Variants in TMEM132B observed in about 807,000 individuals in gnomAD.
TMEM132B encodes transmembrane protein 132B.
In TMEM132B, 18 loss-of-function variants were observed where a neutral mutation model predicts 90.8. The ratio of observed to expected loss-of-function variants is 0.20; its 90% CI spans 0.14 to 0.29. TMEM132B has a LOEUF of 0.29. Among genes scored for constraint, TMEM132B ranks in the 10% least tolerant of loss-of-function variants. The pLI, the probability that TMEM132B is intolerant of heterozygous loss-of-function variation, is 1.00. For synonymous variants in TMEM132B, 504 were observed against 523.3 expected (o/e 0.96, Z 0.50); for missense variants, 1,096 against 1,326.8 (o/e 0.83, Z 2.70).
At position 125,603,294 on chromosome 12, in the gene TMEM132B, A is replaced by T. The variant is rs1885613504; in HGVS notation, c.1437+19300A>T. ...ATGGAGTAGAATAGAGACCTCAGAA[A>T]TAACACCACATCTACAACCATCTGA... On this transcript the variant is annotated intron_variant, in intron 5 of 8. Transcript: ENST00000682704. Among the ~76,000 whole-genome samples, 2 of 152,200 alleles carry T rather than the reference A, an allele frequency of 1.3e-5. 1 individual carries two copies. The highest frequency in any genetic ancestry group is 4.1e-4 in the South Asian group (2 of 4,830).
intron 3 of TMEM132B, among the ~76,000 whole-genome samples, chr12:125,511,144 A>G (rs1254456853): frequency 1.2e-4 from 19 of 152,138 alleles, no homozygotes; most frequent in African/African-American, 4.6e-4. Flanking sequence ...TTTCCTGTCA[A>G]TGGAGTCATA....
intron 3 of TMEM132B, among the ~76,000 whole-genome samples, chr12:125,418,722 A>G (rs572801213): frequency 1.7e-4 from 26 of 152,358 alleles, no homozygotes; most frequent in Middle Eastern, 3.4e-3. Flanking sequence ...TGTGATAAGA[A>G]TTAAAAATGT....
At position 125,459,935 on chromosome 12, in the gene TMEM132B, GC is replaced by G. The variant is rs1418950302; in HGVS notation, c.1106+44260del. Among the ~76,000 whole-genome samples, 1 of 152,064 alleles carries G rather than the reference GC, an allele frequency of 6.6e-6. No individual in the cohort carries two copies. The highest frequency in any genetic ancestry group is 1.5e-5 in the Non-Finnish European group (1 of 68,036). On this transcript the variant is annotated intron_variant, in intron 3 of 8. Coordinates refer to ENST00000682704, the MANE Select transcript of TMEM132B (RefSeq NM_001366854.1). The surrounding 1 kb of genome is among the most constrained non-coding windows in gnomAD (Gnocchi z 4.1). ...CTCTTGGCTCTCATTTCCCTCTCTT[GC>G]CTGCTGCCATGTAAGACGTGCCTTT... is the stretch of plus-strand genomic sequence containing the variant.
At chr12:125,384,195 G>C (rs912706798) in intron 2 of TMEM132B, among the ~76,000 whole-genome samples, 1 of 151,918 alleles carries the variant, frequency 6.6e-6, no homozygotes, top group East Asian at 1.9e-4. Context: ...TGATTGCCTC[G>C]GCCTCCTCAA....
intron 2 of TMEM132B, among the ~76,000 whole-genome samples, chr12:125,364,346 G>A (rs1878058948): frequency 1.3e-5 from 2 of 152,272 alleles, no homozygotes; most frequent in South Asian, 4.1e-4. Context: ...TAAAAGAAAT[G>A]TATTGTGAGA....
intron 1 of TMEM132B, among the ~76,000 whole-genome samples, chr12:125,316,752 G>T (rs1173235204): frequency 6.6e-6 from 1 of 152,196 alleles, no homozygotes; most frequent in Non-Finnish European, 1.5e-5. Flanking sequence ...AAAGTGGGGG[G>T]CTGCAGTGAC....
chr12:125,391,808 A>C (rs1260304630), intron 2 of TMEM132B, among the ~76,000 whole-genome samples: 1 of 152,242 alleles, frequency 6.6e-6, no homozygotes, highest in East Asian at 1.9e-4. Flanking sequence ...TCTGTTGCCC[A>C]GGCTGGAGTG....
intron 2 of TMEM132B, among the ~76,000 whole-genome samples, chr12:125,399,458 AGTGTGTGTGTGTGTGTGTGTGTGTAT>A (rs1165865355): frequency 1.2e-4 from 16 of 132,722 alleles, no homozygotes; most frequent in Admixed American, 4.0e-4. Context: ...TGAAGAAGGA[AGTGTGTGTGTGTGTGTGTGTGTGTAT>A]GTGTGTGTGT....
chr12:125,618,992 T>C (rs1244603549), intron 5 of TMEM132B, among the ~76,000 whole-genome samples: 1 of 152,198 alleles, frequency 6.6e-6, no homozygotes, highest in Non-Finnish European at 1.5e-5. Flanking sequence ...AGTGCAGTGC[T>C]GGGCAGCAAG....
chr12:125,501,864 T>C (rs111566176), intron 3 of TMEM132B, among the ~76,000 whole-genome samples: 2,869 of 152,332 alleles, frequency 0.019, 31 homozygotes, highest in African/African-American at 0.036. Flanking sequence ...TAAGTATTTG[T>C]AAGATGTAAG....
intron 5 of TMEM132B, among the ~76,000 whole-genome samples, chr12:125,636,164 A>C (rs1303279132): frequency 1.3e-5 from 2 of 152,128 alleles, no homozygotes; most frequent in African/African-American, 4.8e-5. Context: ...TGGTGTGTAG[A>C]TAGTTGTTAA....
intron 1 of TMEM132B, among the ~76,000 whole-genome samples, chr12:125,257,681 G>A (rs951839866): frequency 1.3e-5 from 2 of 152,170 alleles, no homozygotes; most frequent in Admixed American, 6.5e-5. Flanking sequence ...AGATGGGGAG[G>A]TTATCCTGGA....
intron 1 of TMEM132B, among the ~76,000 whole-genome samples, chr12:125,339,336 G>T (rs561049531): frequency 6.8e-6 from 1 of 146,258 alleles, no homozygotes; most frequent in Non-Finnish European, 1.5e-5. Flanking sequence ...GTAGATGGCC[G>T]CCTGCCTTCT....
chr12:125,267,690 A>G (rs1259403693), intron 1 of TMEM132B, among the ~76,000 whole-genome samples: 1 of 152,168 alleles, frequency 6.6e-6, no homozygotes, highest in African/African-American at 2.4e-5. Flanking sequence ...GTGGCTCATT[A>G]CAGAGCTTGA....
intron 1 of TMEM132B, among the ~76,000 whole-genome samples, chr12:125,303,095 A>G (rs1875872307): frequency 6.6e-6 from 1 of 151,988 alleles, no homozygotes; most frequent in African/African-American, 2.4e-5. Flanking sequence ...GACTCTGCAT[A>G]TTAAAAAAAA....
At chr12:125,369,910 G>T (rs1252336192) in intron 2 of TMEM132B, among the ~76,000 whole-genome samples, 1 of 152,154 alleles carries the variant, frequency 6.6e-6, no homozygotes, top group Non-Finnish European at 1.5e-5. Context: ...TCAGCCGGGT[G>T]TGGTGGTGGG....
intron 1 of TMEM132B, among the ~76,000 whole-genome samples, chr12:125,205,478 G>A (rs574167753): frequency 1.3e-4 from 20 of 149,942 alleles, no homozygotes; most frequent in Non-Finnish European, 2.8e-4. Context: ...AGAGTATCTT[G>A]TGAATCCTTT....
At chr12:125,434,460 G>A (rs1880639695) in intron 3 of TMEM132B, among the ~76,000 whole-genome samples, 1 of 147,626 alleles carries the variant, frequency 6.8e-6, no homozygotes, top group African/African-American at 2.5e-5. Flanking sequence ...CCTGTCCGGG[G>A]TCAGCTGGCT....
At chr12:125,564,126 CA>C (rs1884607569) in intron 4 of TMEM132B, among the ~76,000 whole-genome samples, 4 of 152,152 alleles carry the variant, frequency 2.6e-5, no homozygotes, top group Non-Finnish European at 5.9e-5. Context: ...GCTGTGAAGA[CA>C]AAAATAGATT....
Sources: allele counts gnomAD v4.1 joint callset (sites outside exome capture counted in the v4.1 genomes callset), GRCh38; gene constraint gnomAD v4.1.1; non-coding constraint Gnocchi (gnomAD v3.1); transcripts MANE v1.5; gene names NCBI Gene and HGNC (gene_info 2026-07-23, HGNC 2026-07-21).